UBAC2: variants seen among roughly 807,000 people sequenced by gnomAD.
UBAC2 encodes ubiquitin-associated domain-containing protein 2.
UBAC2 carries 26 observed loss-of-function variants against 44.0 expected under a neutral mutation model. The ratio of observed to expected loss-of-function variants is 0.59; its 90% CI spans 0.43 to 0.82. The LOEUF is 0.82. UBAC2 is among the 40% of genes least tolerant of loss of function. The pLI is 0.00. For synonymous variants in UBAC2, 155 were observed against 154.3 expected, an observed-to-expected ratio of 1.00 and a Z score of -0.04; for missense variants, 329 against 419.4, an observed-to-expected ratio of 0.78 and a Z score of 1.88.
At chr13:99,334,241 G>A (rs891712802) in intron 6 of UBAC2, among the ~76,000 whole-genome samples, 17 of 152,070 alleles carry the variant, frequency 1.1e-4, no homozygotes, top group African/African-American at 1.9e-4. Context: ...GATTACAGGC[G>A]TGAGCACAGA....
chr13:99,235,582 C>T (rs2043223601), intron 1 of UBAC2, among the ~76,000 whole-genome samples: 1 of 152,110 alleles, frequency 6.6e-6, no homozygotes. Flanking sequence ...GACACATAGA[C>T]CAGTGGAGCA....
chr13:99,303,010 C>T (rs1326058087), intron 4 of UBAC2, among the ~76,000 whole-genome samples: 1 of 8,038 alleles, frequency 1.2e-4, no homozygotes, highest in Non-Finnish European at 2.2e-4. Flanking sequence ...GGGGACCTCC[C>T]CTGCCTCCTG....
intron 1 of UBAC2, among the ~76,000 whole-genome samples, chr13:99,223,542 G>GTTTTTTTTTTTTTTTTTT (rs145143990): frequency 1.1e-4 from 7 of 62,448 alleles, no homozygotes; most frequent in African/African-American, 3.3e-4. Flanking sequence ...CTCTTTTTCT[G>GTTTTTTTTTTTTTTTTTT]TTTTTTTTTT....
chr13:99,295,724 T>G lies in UBAC2; in HGVS notation c.390-18373T>G. 1.2e-6 allele frequency: 2 copies of G among 1,614,132 alleles called. No individual in the cohort carries two copies. The highest frequency in any genetic ancestry group is 1.7e-6 in the Non-Finnish European group (2 of 1,179,976). ...TTTTGCATGTTCAATCCTTTTTATCTTGTTGTAGCGTAGAGGGTGCACCAC... is the reference window on the plus strand; with the variant it reads ...TTTTGCATGTTCAATCCTTTTTATCGTGTTGTAGCGTAGAGGGTGCACCAC... On this transcript the variant is annotated intron_variant, in intron 4 of 8. Transcript: ENST00000403766. The surrounding 1 kb of genome is among the most constrained non-coding windows in gnomAD (Gnocchi z 4.1).
chr13:99,313,955 C>T, intron 4 of UBAC2, 142 bp from the exon 5 acceptor site: 1 of 729,638 alleles, frequency 1.4e-6, no homozygotes, highest in Non-Finnish European at 2.1e-6. Flanking sequence ...GGACATGAAT[C>T]ATATTTGAAA....
At chr13:99,211,184 C>T (rs1566448017) in intron 1 of UBAC2, among the ~76,000 whole-genome samples, 1 of 152,148 alleles carries the variant, frequency 6.6e-6, no homozygotes, top group Non-Finnish European at 1.5e-5. Flanking sequence ...CACAGCAGCC[C>T]TATGAGGATA....
chr13:99,317,351 G>A lies in UBAC2; in HGVS notation c.514-671G>A, dbSNP rs182611905. On this transcript the variant is annotated intron_variant, in intron 5 of 8. Transcript: ENST00000403766. Reference sequence around the variant, plus strand: ...GCAGGAACACTTTCAGAGTCCTTATGATTTTTTTTTAATTACCCTGAGCAC... The same window carrying A: ...GCAGGAACACTTTCAGAGTCCTTATAATTTTTTTTTAATTACCCTGAGCAC... Among the ~76,000 whole-genome samples, 207 of 152,112 alleles carry A rather than the reference G, an allele frequency of 1.4e-3. 1 individual carries two copies. Among genetic ancestry groups the A allele is most frequent in the African/African-American group, 4.7e-3 (195 of 41,446 alleles).
At chr13:99,284,697 C>T (rs993530996) in intron 4 of UBAC2, among the ~76,000 whole-genome samples, 1 of 152,184 alleles carries the variant, frequency 6.6e-6, no homozygotes, top group Non-Finnish European at 1.5e-5. Flanking sequence ...TTCAGTATTA[C>T]ATGTTGCATT....
chr13:99,204,451 G>A (rs989515419), intron 1 of UBAC2, among the ~76,000 whole-genome samples: 2 of 152,160 alleles, frequency 1.3e-5, no homozygotes, highest in African/African-American at 4.8e-5. Flanking sequence ...CAGTTCGTAA[G>A]AGATGTGTGG....
intron 4 of UBAC2, among the ~76,000 whole-genome samples, chr13:99,249,689 T>C (rs1046731494): frequency 2.6e-5 from 4 of 152,202 alleles, no homozygotes; most frequent in South Asian, 2.1e-4. Flanking sequence ...TTCTCACTTA[T>C]ATACAACAGT....
intron 8 of UBAC2, among the ~76,000 whole-genome samples, chr13:99,382,252 G>A (rs1323929714): frequency 6.6e-6 from 1 of 152,214 alleles, no homozygotes; most frequent in Non-Finnish European, 1.5e-5. Context: ...CATTTTGGTT[G>A]ACTGGAAAAT....
intron 4 of UBAC2, among the ~76,000 whole-genome samples, chr13:99,247,536 A>G (rs893972737): frequency 6.6e-6 from 1 of 151,828 alleles, no homozygotes; most frequent in African/African-American, 2.4e-5. Flanking sequence ...TTTTAAATCA[A>G]TGTACTTCAT....
At chr13:99,380,542 A>G (rs571024180) in intron 8 of UBAC2, among the ~76,000 whole-genome samples, 1 of 152,210 alleles carries the variant, frequency 6.6e-6, no homozygotes, top group Non-Finnish European at 1.5e-5. Context: ...AGCAGGGGCC[A>G]CTTGGCTAAC....
At chr13:99,362,779 C>CT (rs571503748) in intron 7 of UBAC2, among the ~76,000 whole-genome samples, 1 of 152,028 alleles carries the variant, frequency 6.6e-6, no homozygotes, top group South Asian at 2.1e-4. Context: ...TGATTTGTAA[C>CT]TTTTGAATTT....
At chr13:99,276,354 T>C (rs1344166457) in intron 4 of UBAC2, among the ~76,000 whole-genome samples, 1 of 152,212 alleles carries the variant, frequency 6.6e-6, no homozygotes, top group Non-Finnish European at 1.5e-5. Context: ...CCGCTGTAAA[T>C]TGGGGGTTCC....
At chr13:99,319,323 T>C (rs2044538650) in intron 6 of UBAC2, among the ~76,000 whole-genome samples, 1 of 152,268 alleles carries the variant, frequency 6.6e-6, no homozygotes, top group African/African-American at 2.4e-5. Context: ...ATAGATTTTA[T>C]TTCTTTCTTA....
rs147476848 is a variant in UBAC2, at chr13:99,287,561, C to T, written c.390-26536C>T. ...CACACCAGCCTCAGTTCTTTCTGAACCCATCCCTGAACTTCTGCCTCCACC... is the reference window on the plus strand; with the variant it reads ...CACACCAGCCTCAGTTCTTTCTGAATCCATCCCTGAACTTCTGCCTCCACC... On this transcript the variant is annotated intron_variant, in intron 4 of 8. Coordinates refer to ENST00000403766, the MANE Select transcript of UBAC2 (RefSeq NM_001144072.2). 7.3e-3 allele frequency among the ~76,000 whole-genome samples: 1,114 copies of T among 151,984 alleles called. 10 individuals carry two copies. The highest frequency in any genetic ancestry group is 0.054 in the South Asian group (262 of 4,808).
chr13:99,231,282 G>A (rs185164183), intron 1 of UBAC2, among the ~76,000 whole-genome samples: 13 of 152,164 alleles, frequency 8.5e-5, no homozygotes, highest in South Asian at 2.1e-4. Flanking sequence ...AGTTTCTCTA[G>A]CTGCCCACCT....
intron 4 of UBAC2, among the ~76,000 whole-genome samples, chr13:99,251,345 A>T (rs934084518): frequency 6.6e-6 from 1 of 152,172 alleles, no homozygotes; most frequent in African/African-American, 2.4e-5. Context: ...GGGCTTTCCT[A>T]TTTGAATACC....
Sources: gnomAD v4.1 joint callset for allele counts (sites outside exome capture counted in the v4.1 genomes callset) on GRCh38, gnomAD v4.1.1 for gene constraint, Gnocchi (gnomAD v3.1) non-coding constraint, MANE v1.5 for transcripts, NCBI Gene and HGNC (gene_info 2026-07-23, HGNC 2026-07-21) for gene names.